The following ADCK1 variants were observed in gnomAD, a reference collection of about 807,000 sequenced individuals.
ADCK1 encodes aarF domain containing kinase 1, also known as aarF domain-containing protein kinase 1.
ADCK1 carries 41 observed loss-of-function variants against 52.3 expected under a neutral mutation model. The ratio of observed to expected loss-of-function variants is 0.78; its 90% CI spans 0.61 to 1.02. ADCK1 has a LOEUF of 1.02. Among genes scored for constraint, ADCK1 ranks in the 50% least tolerant of loss-of-function variants. ADCK1 has a pLI of 0.00. For missense variants in ADCK1, 658 were observed against 679.5 expected (o/e 0.97, Z 0.35); for synonymous variants, 250 against 274.6 (o/e 0.91, Z 0.89).
chr14:77,905,849 A>G lies in ADCK1; in HGVS notation c.742-1954A>G, dbSNP rs946590271. 5.3e-5 allele frequency among the ~76,000 whole-genome samples: 8 copies of G among 152,258 alleles called. No individual in the cohort carries two copies. In the East Asian group the frequency reaches 1.4e-3, roughly 26 times the overall value. The stretch of plus-strand genomic sequence containing the variant: ...GACAAAGCAACAATAGCAAACATGC[A>G]CTCACTTTTTTAAAAAGAAACTTTT... On this transcript the variant is annotated intron_variant, in intron 6 of 10. Coordinates refer to ENST00000238561, the MANE Select transcript of ADCK1 (RefSeq NM_020421.4).
chr14:77,908,192 G>A (rs2083711949), intron 7 of ADCK1: 1 of 259,540 alleles, frequency 3.9e-6, no homozygotes, highest in Admixed American at 5.0e-5. Flanking sequence ...ACAAAGCTAA[G>A]CGGCCACAGA....
At position 77,859,132 on chromosome 14, in the gene ADCK1, C is replaced by A. The variant is rs1240991637; in HGVS notation, c.276C>A (p.Thr92=). The change falls in exon 4 of 11, where the codon ACC becomes ACA. Residue 92 remains threonine, a synonymous_variant. Transcript: ENST00000238561. Reference sequence around the variant, plus strand: ...AGCTCTGCTGTGCCAACCGGGGCACCTTCATCAAGGTGGGCCAGCACCTGG... The same window carrying A: ...AGCTCTGCTGTGCCAACCGGGGCACATTCATCAAGGTGGGCCAGCACCTGG... ...LCELCCANRG[T]FIKVGQHLGA... is the part of the protein sequence containing the mutation. The A allele has an allele frequency of 1.2e-6, 2 of 1,613,342 alleles. No individual in the cohort carries two copies. The highest frequency in any genetic ancestry group is 2.7e-5 in the African/African-American group (2 of 74,892).
chr14:77,804,884 T>G (rs542703965), intron 1 of ADCK1, among the ~76,000 whole-genome samples: 1 of 152,108 alleles, frequency 6.6e-6, no homozygotes, highest in East Asian at 1.9e-4. Context: ...CAATGCAGAG[T>G]TGAGTAGATG....
At chr14:77,915,457 A>G (rs558313038) in intron 7 of ADCK1, among the ~76,000 whole-genome samples, 1 of 151,856 alleles carries the variant, frequency 6.6e-6, no homozygotes, top group East Asian at 1.9e-4. Context: ...AGACACATGC[A>G]CACGTATGTT....
At chr14:77,870,991 G>A in intron 4 of ADCK1, among the ~76,000 whole-genome samples, 1 of 152,226 alleles carries the variant, frequency 6.6e-6, no homozygotes, top group Non-Finnish European at 1.5e-5. Flanking sequence ...CCTCGTGGCA[G>A]TCCTGGGAGA....
At chr14:77,840,009 G>A (rs983517844) in intron 3 of ADCK1, among the ~76,000 whole-genome samples, 1 of 151,806 alleles carries the variant, frequency 6.6e-6, no homozygotes, top group African/African-American at 2.4e-5. Flanking sequence ...CAGCCAAGGA[G>A]GTGGGACTGT....
Position 77,907,863 on chromosome 14 carries a change from G to A in ADCK1, c.802G>A (p.Gly268Ser). The change falls in exon 7 of 11, where the codon GGC becomes AGC. Residue 268 changes from glycine to serine, a missense_variant. By Grantham distance (56) the Gly-to-Ser change is moderately conservative. Coordinates refer to ENST00000238561, the MANE Select transcript of ADCK1 (RefSeq NM_020421.4). Reference protein sequence around the residue: ...ERVLLMEFVDGGQVNDRDYME... With the variant: ...ERVLLMEFVDSGQVNDRDYME... ...GGTCCTCCTGATGGAGTTTGTGGAT[G>A]GCGGGCAGGTCAATGACAGAGACTA... The A allele has an allele frequency of 6.2e-7, 1 of 1,614,124 alleles. No individual in the cohort carries two copies. Among genetic ancestry groups the A allele is most frequent in the Middle Eastern group, 1.6e-4 (1 of 6,062 alleles).
At chr14:77,926,471 G>T (rs2084196440) in intron 9 of ADCK1, among the ~76,000 whole-genome samples, 1 of 152,082 alleles carries the variant, frequency 6.6e-6, no homozygotes, top group African/African-American at 2.4e-5. Context: ...ATTGTCTGCA[G>T]ACTTTTTTGT....
chr14:77,808,298 G>A lies in ADCK1; in HGVS notation c.-12+8128G>A, dbSNP rs369722417. On this transcript the variant is annotated intron_variant, in intron 1 of 10. Coordinates refer to ENST00000238561, the MANE Select transcript of ADCK1 (RefSeq NM_020421.4). Reference sequence around the variant, plus strand: ...AGTTCCGTGGAGTCACACAGTGACTGAGGGGTGGTCACTGTGGTATATCTG... The same window carrying A: ...AGTTCCGTGGAGTCACACAGTGACTAAGGGGTGGTCACTGTGGTATATCTG... 2.6e-5 allele frequency among the ~76,000 whole-genome samples: 4 copies of A among 152,304 alleles called. No individual in the cohort carries two copies. The South Asian group carries it at 8.3e-4, about 32-fold the overall frequency.
intron 7 of ADCK1, among the ~76,000 whole-genome samples, chr14:77,911,739 T>C (rs2083796170): frequency 1.3e-5 from 2 of 152,010 alleles, no homozygotes. Context: ...TTTCTTTTTT[T>C]TTTTTTTTAA....
intron 1 of ADCK1, 63 bp from the exon 2 acceptor site, chr14:77,818,905 T>G: frequency 6.4e-7 from 1 of 1,573,132 alleles, no homozygotes; most frequent in Non-Finnish European, 8.7e-7. Flanking sequence ...GATTTGAACT[T>G]CAGTTTGACT....
At chr14:77,932,731 C>G (rs1013920494) in intron 10 of ADCK1, among the ~76,000 whole-genome samples, 3 of 152,206 alleles carry the variant, frequency 2.0e-5, no homozygotes, top group Admixed American at 6.5e-5. Flanking sequence ...AGGTCATCAT[C>G]ATAAACACCA....
At chr14:77,802,324 A>G (rs1250616265) in intron 1 of ADCK1, among the ~76,000 whole-genome samples, 1 of 152,056 alleles carries the variant, frequency 6.6e-6, no homozygotes, top group African/African-American at 2.4e-5. Flanking sequence ...TGCTCTTTGC[A>G]TCTGGCTTTG....
intron 4 of ADCK1, among the ~76,000 whole-genome samples, chr14:77,861,456 T>C (rs2082546158): frequency 6.6e-6 from 1 of 151,730 alleles, no homozygotes; most frequent in Admixed American, 6.6e-5. Context: ...ATTTCCAGCC[T>C]CCTCCAGCCC....
chr14:77,800,908 T>C (rs2081095578), intron 1 of ADCK1, among the ~76,000 whole-genome samples: 1 of 152,236 alleles, frequency 6.6e-6, no homozygotes, highest in Non-Finnish European at 1.5e-5. Flanking sequence ...AATTAGACTT[T>C]ATCTGTGGCT....
Position 77,871,461 on chromosome 14 carries a change from G to A in ADCK1, c.423+12182G>A, listed in dbSNP as rs571234539. On this transcript the variant is annotated intron_variant, in intron 4 of 10. Coordinates refer to ENST00000238561, the MANE Select transcript of ADCK1 (RefSeq NM_020421.4). ...CAACCTTTGCCTCCCGGGTTCAAGCGATTGTCCCGCCTCAGCCTCCCAAGT... is the reference window on the plus strand; with the variant it reads ...CAACCTTTGCCTCCCGGGTTCAAGCAATTGTCCCGCCTCAGCCTCCCAAGT... Among the ~76,000 whole-genome samples the A allele has an allele frequency of 1.2e-3, 177 of 152,156 alleles. No homozygotes were observed. The South Asian group carries it at 0.013, about 11-fold the overall frequency.
chr14:77,912,725 T>TG (rs2140269343), intron 7 of ADCK1, among the ~76,000 whole-genome samples: 1 of 152,098 alleles, frequency 6.6e-6, no homozygotes, highest in East Asian at 1.9e-4. Context: ...ATGTCTATCC[T>TG]GGAAGATGGC....
intron 4 of ADCK1, among the ~76,000 whole-genome samples, chr14:77,875,235 A>T (rs1360884119): frequency 6.6e-6 from 1 of 152,054 alleles, no homozygotes; most frequent in Non-Finnish European, 1.5e-5. Context: ...GGTTACATGG[A>T]GAGGTGTGGA....
intron 4 of ADCK1, among the ~76,000 whole-genome samples, chr14:77,866,957 T>C (rs925874052): frequency 6.6e-6 from 1 of 152,092 alleles, no homozygotes; most frequent in African/African-American, 2.4e-5. Flanking sequence ...GGCTCTCATA[T>C]TGTTTGCTTC....
Sources: gnomAD v4.1 joint callset for allele counts (sites outside exome capture counted in the v4.1 genomes callset) on GRCh38, gnomAD v4.1.1 for gene constraint, MANE v1.5 for transcripts, NCBI Gene and HGNC (gene_info 2026-07-23, HGNC 2026-07-21) for gene names.